CDH12: variants seen among roughly 807,000 people sequenced by gnomAD.
CDH12 encodes cadherin-12.
A neutral mutation model predicts 74.1 loss-of-function variants in CDH12; 41 were observed. That is an observed-to-expected ratio of 0.55 (90% CI 0.43 to 0.72). CDH12 has a LOEUF of 0.72. CDH12 is among the 30% of genes least tolerant of loss of function. CDH12 has a pLI of 0.00. For synonymous variants in CDH12, 399 were observed against 355.0 expected (o/e 1.12, Z -1.39); for missense variants, 945 against 977.2 (o/e 0.97, Z 0.44).
chr5:22,600,373 T>G (rs555551827), intron 1 of CDH12, among the ~76,000 whole-genome samples: 1 of 152,264 alleles, frequency 6.6e-6, no homozygotes, highest in African/African-American at 2.4e-5. Context: ...CATTTAAAAT[T>G]TTGTGTTCAT....
chr5:22,571,288 T>G (rs1269542919), intron 1 of CDH12, among the ~76,000 whole-genome samples: 1 of 152,172 alleles, frequency 6.6e-6, no homozygotes, highest in African/African-American at 2.4e-5. Flanking sequence ...TATCTCAACT[T>G]TTGTCATGCC....
intron 1 of CDH12, among the ~76,000 whole-genome samples, chr5:22,823,853 C>T (rs1749861550): frequency 6.6e-6 from 1 of 152,062 alleles, no homozygotes; most frequent in Non-Finnish European, 1.5e-5. Flanking sequence ...TGATGCTTCC[C>T]CAGCCTTGCA....
At chr5:22,609,508 G>A (rs1223656707) in intron 1 of CDH12, among the ~76,000 whole-genome samples, 5 of 152,106 alleles carry the variant, frequency 3.3e-5, no homozygotes, top group African/African-American at 9.7e-5. Flanking sequence ...TCAGTGCTCA[G>A]AATATAAATG....
intron 3 of CDH12, among the ~76,000 whole-genome samples, chr5:22,378,069 T>C (rs1355020958): frequency 3.3e-5 from 5 of 152,150 alleles, no homozygotes; most frequent in Non-Finnish European, 7.4e-5. Flanking sequence ...CTACTTATAG[T>C]GCAATAACAT....
At chr5:22,136,013 C>T (rs891204974) in intron 4 of CDH12, among the ~76,000 whole-genome samples, 13 of 151,918 alleles carry the variant, frequency 8.6e-5, no homozygotes, top group Non-Finnish European at 1.5e-4. Context: ...TTTTCTCAAA[C>T]ACTTTGGAAT....
chr5:22,082,211 A>G (rs1742783710), intron 4 of CDH12, among the ~76,000 whole-genome samples: 1 of 152,156 alleles, frequency 6.6e-6, no homozygotes, highest in South Asian at 2.1e-4. Flanking sequence ...GTTTATTCTT[A>G]CCATAGCAAC....
At chr5:22,110,871 C>T (rs1744770758) in intron 4 of CDH12, among the ~76,000 whole-genome samples, 1 of 152,088 alleles carries the variant, frequency 6.6e-6, no homozygotes, top group Non-Finnish European at 1.5e-5. Context: ...AAACTATAAA[C>T]TAAATGTCTC....
chr5:21,865,132 G>A (rs1246097604), intron 6 of CDH12, among the ~76,000 whole-genome samples: 2 of 152,156 alleles, frequency 1.3e-5, no homozygotes, highest in South Asian at 2.1e-4. Context: ...GAACTTAAGA[G>A]CAATGACCTA....
intron 3 of CDH12, among the ~76,000 whole-genome samples, chr5:22,226,988 A>C (rs1712361241): frequency 6.6e-6 from 1 of 152,122 alleles, no homozygotes; most frequent in African/African-American, 2.4e-5. Context: ...AGAGTAAGAT[A>C]GAGTACTCCC....
At chr5:22,797,246 C>A (rs902013159) in intron 1 of CDH12, among the ~76,000 whole-genome samples, 1 of 145,150 alleles carries the variant, frequency 6.9e-6, no homozygotes, top group Non-Finnish European at 1.5e-5. Context: ...CATGTGAAGA[C>A]ACAGCGAGAA....
intron 1 of CDH12, among the ~76,000 whole-genome samples, chr5:22,634,972 T>C (rs1020027685): frequency 7.1e-6 from 1 of 140,388 alleles, no homozygotes; most frequent in Non-Finnish European, 1.5e-5. Flanking sequence ...AAAATCACAG[T>C]TGGATTTTTT....
intron 5 of CDH12, among the ~76,000 whole-genome samples, chr5:22,037,067 A>G (rs987875187): frequency 6.6e-6 from 1 of 152,208 alleles, no homozygotes; most frequent in Non-Finnish European, 1.5e-5. Context: ...AATTAGAAAA[A>G]CATGAATAAA....
At chr5:22,798,552 T>G (rs975210439) in intron 1 of CDH12, among the ~76,000 whole-genome samples, 3 of 152,118 alleles carry the variant, frequency 2.0e-5, no homozygotes, top group African/African-American at 7.2e-5. Context: ...ACAGTCACAC[T>G]TATTTTTATC....
At chr5:22,393,763 T>C (rs1261821659) in intron 3 of CDH12, among the ~76,000 whole-genome samples, 3 of 152,104 alleles carry the variant, frequency 2.0e-5, no homozygotes, top group East Asian at 1.9e-4. Flanking sequence ...ATAGATTGAA[T>C]GTTGGTGTAA....
At chr5:21,981,680 G>T (rs2150127710) in intron 5 of CDH12, among the ~76,000 whole-genome samples, 1 of 152,108 alleles carries the variant, frequency 6.6e-6, no homozygotes, top group East Asian at 1.9e-4. Context: ...TCTGAAGTAG[G>T]CCTTAGGTAT....
At chr5:22,796,229 T>C (rs1748200888) in intron 1 of CDH12, among the ~76,000 whole-genome samples, 1 of 152,188 alleles carries the variant, frequency 6.6e-6, no homozygotes, top group Non-Finnish European at 1.5e-5. Flanking sequence ...TGCTGGACCA[T>C]ATGGTAGTTC....
chr5:21,795,974 C>T (rs1477728352), intron 10 of CDH12, among the ~76,000 whole-genome samples: 1 of 151,990 alleles, frequency 6.6e-6, no homozygotes, highest in African/African-American at 2.4e-5. Flanking sequence ...TTTGTGGAAA[C>T]AGGCATTTTT....
intron 2 of CDH12, among the ~76,000 whole-genome samples, chr5:22,450,612 A>G (rs1745004681): frequency 6.6e-6 from 1 of 151,924 alleles, no homozygotes; most frequent in Admixed American, 6.6e-5. Context: ...TAATTTTTAA[A>G]TTTGTTATGT....
chr5:22,644,638 T>G (rs1404177303), intron 1 of CDH12, among the ~76,000 whole-genome samples: 2 of 151,880 alleles, frequency 1.3e-5, no homozygotes, highest in African/African-American at 4.8e-5. Flanking sequence ...GAAGCTGCAG[T>G]ATGTTATCCA....
Sources: gnomAD v4.1 joint callset for allele counts (sites outside exome capture counted in the v4.1 genomes callset) on GRCh38, gnomAD v4.1.1 for gene constraint, MANE v1.5 for transcripts, NCBI Gene and HGNC (gene_info 2026-07-23, HGNC 2026-07-21) for gene names.